Variants in TPCN1 observed in about 807,000 individuals in gnomAD.
The protein encoded by TPCN1 is two pore segment channel 1.
A neutral mutation model predicts 108.8 loss-of-function variants in TPCN1; 52 were observed. The ratio of observed to expected loss-of-function variants is 0.48; its 90% CI spans 0.38 to 0.60. The LOEUF (loss-of-function observed/expected upper bound fraction) is 0.60. TPCN1 is among the 20% of genes least tolerant of loss of function. TPCN1 has a pLI of 0.00. For synonymous variants in TPCN1, 446 were observed against 433.7 expected, an observed-to-expected ratio of 1.03 and a Z score of -0.35; for missense variants, 806 against 1,072.8, an observed-to-expected ratio of 0.75 and a Z score of 3.47.
chr12:113,253,321 A>G (rs1954718708), intron 2 of TPCN1, among the ~76,000 whole-genome samples: 2 of 152,256 alleles, frequency 1.3e-5, no homozygotes, highest in Admixed American at 1.3e-4. Context: ...AGGTTAATAG[A>G]TACAATGTAT....
At chr12:113,290,046 G>A in intron 21 of TPCN1, 82 bp from the exon 22 acceptor site, 2 of 906,572 alleles carry the variant, frequency 2.2e-6, no homozygotes, top group Non-Finnish European at 1.7e-6. Flanking sequence ...CCAGAACTCG[G>A]TTTGTTTCAG....
rs186585807 is a variant in TPCN1, at chr12:113,260,211, C to A, written c.113-157C>A. 4.1e-5 allele frequency: 31 copies of A among 755,408 alleles called. No individual in the cohort carries two copies. The Admixed American group carries it at 1.1e-3, about 27-fold the overall frequency. 46.8% of individuals were successfully genotyped at this position (755,408 alleles called of 1,614,324 possible). A position where few individuals can be genotyped will look rare whatever the true frequency, so the allele number is the denominator to read the frequency against. On this transcript the variant is annotated intron_variant, in intron 2 of 27. Coordinates refer to ENST00000335509, the MANE Select transcript of TPCN1 (RefSeq NM_017901.6). ...ACATTTGTAACCAGCTGTGCTAATTCTTGCCATTATCAGTACACAGCATGG... is the reference window on the plus strand; with the variant it reads ...ACATTTGTAACCAGCTGTGCTAATTATTGCCATTATCAGTACACAGCATGG...
chr12:113,245,836 G>A (rs997207080), intron 2 of TPCN1: 2 of 407,392 alleles, frequency 4.9e-6, no homozygotes, highest in Middle Eastern at 3.7e-4. Context: ...CCTCCTGCCT[G>A]TTCTTTCCTG....
chr12:113,229,520 G>A (rs937348762), intron 2 of TPCN1, among the ~76,000 whole-genome samples: 6 of 152,100 alleles, frequency 3.9e-5, no homozygotes, highest in African/African-American at 1.4e-4. Context: ...AGACAGTCTC[G>A]TTCTGCTACC....
At position 113,288,666 on chromosome 12, in the gene TPCN1, C is replaced by T. The variant is rs1238292111; in HGVS notation, c.1707-92C>T. 2 of 1,572,312 alleles carry T rather than the reference C, an allele frequency of 1.3e-6. No homozygotes were observed. The highest frequency in any genetic ancestry group is 1.7e-6 in the Non-Finnish European group (2 of 1,163,528). On this transcript the variant is annotated intron_variant, in intron 20 of 27. Transcript: ENST00000335509. This position sits in a 1 kb window ranked among gnomAD's most constrained non-coding sequence, Gnocchi z 4.8. ...TGAACCGACCAGGGGCATGGCCCTG[C>T]AGTCAGCCCCACGGGTCCGAGGAGG...
intron 1 of TPCN1, among the ~76,000 whole-genome samples, chr12:113,226,407 A>G (rs1953472063): frequency 6.6e-6 from 1 of 152,076 alleles, no homozygotes; most frequent in Non-Finnish European, 1.5e-5. Flanking sequence ...CAGTTACCCG[A>G]GTACCTGGGA....
intron 2 of TPCN1, among the ~76,000 whole-genome samples, chr12:113,229,245 A>G (rs1368787084): frequency 6.6e-6 from 1 of 152,224 alleles, no homozygotes; most frequent in Non-Finnish European, 1.5e-5. Context: ...TTTCCTGTAC[A>G]GCACATTAGT....
Position 113,277,350 on chromosome 12 carries a change from C to A in TPCN1, c.1170C>A (p.Asn390Lys). The A allele has an allele frequency of 6.2e-7, 1 of 1,614,178 alleles. No individual in the cohort carries two copies. Among genetic ancestry groups the A allele is most frequent in the South Asian group, 1.1e-5 (1 of 91,090 alleles). ...YLTFKALNQN[N>K]TPLLSLKDFY... ...CCTTCAAGGCCCTGAATCAGAACAA[C>A]ACACCCCTGCTCAGGTAAGAGCAGA... The change falls in exon 12 of 28, where the codon AAC (asparagine) becomes AAA (lysine). Residue 390 changes from asparagine to lysine, a missense_variant. Transcript: ENST00000335509.
At chr12:113,275,736 C>A (rs1430288600) in intron 10 of TPCN1, among the ~76,000 whole-genome samples, 1 of 151,914 alleles carries the variant, frequency 6.6e-6, no homozygotes, top group African/African-American at 2.4e-5. Flanking sequence ...CCACGCCCGG[C>A]TAATTTTTTT....
Position 113,272,535 on chromosome 12 carries a change from C to A in TPCN1, c.749-123C>A. The stretch of plus-strand genomic sequence containing the variant: ...GTTCTCAGGGTGCTGTGGTCCCCAG[C>A]AGTCCCTGCTGCTCTTCCTGACCTG... On this transcript the variant is annotated intron_variant, in intron 7 of 27. Coordinates refer to ENST00000335509, the MANE Select transcript of TPCN1 (RefSeq NM_017901.6). The surrounding 1 kb of genome is among the most constrained non-coding windows in gnomAD (Gnocchi z 4.1). The A allele has an allele frequency of 1.1e-6, 1 of 887,044 alleles. No individual in the cohort carries two copies. The highest frequency in any genetic ancestry group is 1.9e-6 in the Non-Finnish European group (1 of 523,138). 54.9% of individuals were successfully genotyped at this position (887,044 alleles called of 1,614,324 possible). A position where few individuals can be genotyped will look rare whatever the true frequency, so the allele number is the denominator to read the frequency against.
At chr12:113,240,994 C>T (rs1954094183) in intron 2 of TPCN1, among the ~76,000 whole-genome samples, 1 of 152,194 alleles carries the variant, frequency 6.6e-6, no homozygotes, top group Non-Finnish European at 1.5e-5. Flanking sequence ...GAACTGCTCA[C>T]CTTGGTGAGC....
At chr12:113,257,530 A>C (rs1954871742) in intron 2 of TPCN1, among the ~76,000 whole-genome samples, 1 of 152,122 alleles carries the variant, frequency 6.6e-6, no homozygotes, top group Admixed American at 6.6e-5. Flanking sequence ...GCATATCAAC[A>C]GTTGGTGGAG....
chr12:113,224,622 T>G (rs949323655), intron 1 of TPCN1, among the ~76,000 whole-genome samples: 1 of 152,130 alleles, frequency 6.6e-6, no homozygotes, highest in Non-Finnish European at 1.5e-5. Flanking sequence ...GGTCTTGATC[T>G]CCTGACCTCG....
chr12:113,279,725 C>T (rs1025755931), intron 14 of TPCN1, among the ~76,000 whole-genome samples: 4 of 152,058 alleles, frequency 2.6e-5, no homozygotes, highest in Non-Finnish European at 4.4e-5. Context: ...TTTTTGCCCT[C>T]CTCTTATGGC....
At chr12:113,290,088 C>G (rs1956217385) in intron 21 of TPCN1, 40 bp from the exon 22 acceptor site, 2 of 1,353,478 alleles carry the variant, frequency 1.5e-6, no homozygotes, top group Admixed American at 3.9e-5. Flanking sequence ...GACTGATCGC[C>G]TTGTGACCCT....
At chr12:113,287,144 G>C (rs773328857) in intron 19 of TPCN1, 50 bp downstream of exon 19, 1 of 1,473,540 alleles carries the variant, frequency 6.8e-7, no homozygotes, top group African/African-American at 1.4e-5. Context: ...GGGAGGACGG[G>C]AATGCCCCAG....
chr12:113,269,786 C>T lies in TPCN1; in HGVS notation c.689C>T (p.Pro230Leu), dbSNP rs1955419369. The change falls in exon 7 of 28, where the codon CCG becomes CTG. Residue 230 changes from proline (P) to leucine (L), a missense_variant. Physicochemically the swap from Pro to Leu is moderately conservative, Grantham distance 98. Coordinates refer to ENST00000335509, the MANE Select transcript of TPCN1 (RefSeq NM_017901.6). The surrounding 1 kb of genome is among the most constrained non-coding windows in gnomAD (Gnocchi z 5.0). ...RNLRQIFQSL[P>L]PFMDILLLLL... ...CTGCGGCAGATCTTCCAGTCCCTGC[C>T]GCCCTTCATGGACATCCTCCTGCTG... 3 of 1,613,936 alleles carry T rather than the reference C, an allele frequency of 1.9e-6. No individual in the cohort carries two copies. The highest frequency in any genetic ancestry group is 2.5e-6 in the Non-Finnish European group (3 of 1,180,038).
chr12:113,248,651 C>T (rs1399698507), intron 2 of TPCN1, among the ~76,000 whole-genome samples: 3 of 152,098 alleles, frequency 2.0e-5, no homozygotes, highest in Admixed American at 2.0e-4. Context: ...GTTAGCATGG[C>T]GGCAGCGAGG....
rs546597832 is a variant in TPCN1 at position 113,272,490 on chromosome 12, T to G, written c.749-168T>G. ...AAGCGTCTGGTGCCAGCAGCCCTGC[T>G]CCCTTCCAACAGAGCATGTGTTCTC... is the stretch of plus-strand genomic sequence containing the variant. On this transcript the variant is annotated intron_variant, in intron 7 of 27. Coordinates refer to ENST00000335509, the MANE Select transcript of TPCN1 (RefSeq NM_017901.6). The surrounding 1 kb of genome is among the most constrained non-coding windows in gnomAD (Gnocchi z 4.1). Among the ~76,000 whole-genome samples the G allele has an allele frequency of 1.2e-4, 18 of 152,316 alleles. No homozygotes were observed. Among genetic ancestry groups the G allele is most frequent in the African/African-American group, 3.4e-4 (14 of 41,562 alleles).
Sources: allele counts gnomAD v4.1 joint callset (sites outside exome capture counted in the v4.1 genomes callset), GRCh38; gene constraint gnomAD v4.1.1; non-coding constraint Gnocchi (gnomAD v3.1); transcripts MANE v1.5; gene names NCBI Gene and HGNC (gene_info 2026-07-23, HGNC 2026-07-21).